CCDC93: variants seen among roughly 807,000 people sequenced by gnomAD.
CCDC93 encodes coiled-coil domain-containing protein 93.
In CCDC93, 61 loss-of-function variants were observed where a neutral mutation model predicts 108.2. That is an observed-to-expected ratio of 0.56 (90% confidence interval 0.46 to 0.70). The LOEUF is 0.70. Among genes scored for constraint, CCDC93 ranks in the 30% least tolerant of loss-of-function variants. The pLI is 0.00. For missense variants in CCDC93, 685 were observed against 764.2 expected (o/e 0.90, Z 1.22); for synonymous variants, 276 against 260.4 (o/e 1.06, Z -0.58).
Position 117,974,856 on chromosome 2 carries a change from A to T in CCDC93, c.795T>A (p.Asn265Lys). ...SLMTKMTAMA[N>K]EESRLTASSV... ...CTCCCCGACTCCCACTCACCTCCTC[A>T]TTTGCCATAGCGGTCATCTTGGTCA... The change falls in exon 10 of 24, where the codon AAT becomes AAA. Residue 265 changes from asparagine (N) to lysine (K), a missense_variant. Coordinates refer to ENST00000376300, the MANE Select transcript of CCDC93 (RefSeq NM_019044.5). The T allele has an allele frequency of 6.4e-7, 1 of 1,571,702 alleles. No individual in the cohort carries two copies. The highest frequency in any genetic ancestry group is 8.6e-7 in the Non-Finnish European group (1 of 1,157,676).
chr2:118,002,218 T>C, intron 3 of CCDC93, among the ~76,000 whole-genome samples: 1 of 152,164 alleles, frequency 6.6e-6, no homozygotes, highest in East Asian at 1.9e-4. Flanking sequence ...CTCCCAAAAG[T>C]GTTTCTTGTT....
At chr2:117,927,043 G>C (rs1379051074) in intron 23 of CCDC93, among the ~76,000 whole-genome samples, 2 of 152,128 alleles carry the variant, frequency 1.3e-5, no homozygotes, top group Admixed American at 1.3e-4. Flanking sequence ...AATAGATGCA[G>C]AAAAGGCCTT....
intron 12 of CCDC93, among the ~76,000 whole-genome samples, chr2:117,957,118 G>A (rs915274909): frequency 1.3e-5 from 2 of 152,118 alleles, no homozygotes; most frequent in South Asian, 4.1e-4. Flanking sequence ...TTGAACTCCC[G>A]ACCTCAAGTG....
At chr2:117,926,886 C>A (rs1198450520) in intron 23 of CCDC93, among the ~76,000 whole-genome samples, 3 of 152,154 alleles carry the variant, frequency 2.0e-5, no homozygotes, top group South Asian at 2.1e-4. Context: ...TACTGGCAAA[C>A]CGAATCCAGC....
rs1407297420 is a variant in CCDC93, at chr2:117,939,049, T to G, written c.1585A>C (p.Lys529Gln). ...FTLYNTLDDK[K>Q]VYLEKEISLL... The stretch of plus-strand genomic sequence containing the variant: ...CTTACCTCTTTTTCCAAATAAACCT[T>G]TTTATCATCCAGGGTATTATATAAA... Residue 529 changes from lysine to glutamine, a missense_variant, in exon 20 of 24, where the codon AAG becomes CAG. Physicochemically the swap from Lys to Gln is moderately conservative, Grantham distance 53. Coordinates refer to ENST00000376300, the MANE Select transcript of CCDC93 (RefSeq NM_019044.5). The G allele has an allele frequency of 8.1e-6, 13 of 1,597,954 alleles. No individual in the cohort carries two copies. The highest frequency in any genetic ancestry group is 1.1e-5 in the Non-Finnish European group (13 of 1,166,140).
intron 11 of CCDC93, among the ~76,000 whole-genome samples, chr2:117,968,515 A>C (rs1679660549): frequency 6.6e-6 from 1 of 152,170 alleles, no homozygotes; most frequent in Non-Finnish European, 1.5e-5. Flanking sequence ...TGTATCTGGA[A>C]GCTTCTTCAC....
chr2:117,958,590 C>T (rs1991102), intron 11 of CCDC93, 109 bp from the exon 12 acceptor site: 235,143 of 717,746 alleles, frequency 0.33, 41,493 homozygotes, highest in African/African-American at 0.49. Context: ...GCCAGTCACA[C>T]CAAGCCAGGG....
rs1476619078 is a variant in CCDC93 at position 117,915,646 on chromosome 2, A to G, written c.*4697T>C. The stretch of plus-strand genomic sequence containing the variant: ...AATTCAAAAGGTACAAAAGGTGTAC[A>G]TTGAAAAGTCATTCCCACCCCTCTT... On this transcript the variant is annotated 3_prime_UTR_variant, in exon 24 of 24. Transcript: ENST00000376300. 6.6e-6 allele frequency: 1 copy of G among 152,242 alleles called. No individual in the cohort carries two copies. The highest frequency in any genetic ancestry group is 1.5e-5 in the Non-Finnish European group (1 of 68,040). 9.4% of individuals were successfully genotyped at this position (152,242 alleles called of 1,614,324 possible).
At chr2:117,986,281 T>C (rs1400673638) in intron 6 of CCDC93, among the ~76,000 whole-genome samples, 1 of 148,472 alleles carries the variant, frequency 6.7e-6, no homozygotes, top group African/African-American at 2.5e-5. Flanking sequence ...TATTTTAAAA[T>C]TATACACTTG....
At chr2:117,922,735 G>A (rs971009516) in intron 23 of CCDC93, among the ~76,000 whole-genome samples, 4 of 152,220 alleles carry the variant, frequency 2.6e-5, no homozygotes, top group African/African-American at 9.6e-5. Context: ...CCAGTGAGGG[G>A]ATGGTGAGAA....
At chr2:117,949,759 T>C in intron 13 of CCDC93, 5 of 985,224 alleles carry the variant, frequency 5.1e-6, no homozygotes, top group Non-Finnish European at 6.0e-6. Flanking sequence ...AATAGTAGAC[T>C]AAGCACAACT....
intron 8 of CCDC93, 56 bp downstream of exon 8, chr2:117,977,938 A>G: frequency 6.7e-7 from 1 of 1,498,620 alleles, no homozygotes; most frequent in Non-Finnish European, 9.3e-7. Flanking sequence ...GTCAGAGGTG[A>G]AGGGAGTCAC....
chr2:117,976,855 AG>A, intron 8 of CCDC93, among the ~76,000 whole-genome samples: 1 of 150,980 alleles, frequency 6.6e-6, no homozygotes, highest in Non-Finnish European at 1.5e-5. Context: ...AGTGGGTGGC[AG>A]GGGAACAGCA....
intron 11 of CCDC93, among the ~76,000 whole-genome samples, chr2:117,970,127 A>G (rs1424201288): frequency 1.3e-5 from 2 of 152,226 alleles, no homozygotes; most frequent in Non-Finnish European, 2.9e-5. Context: ...GCAAATAACA[A>G]AAACACCATG....
chr2:117,988,834 T>C (rs1197353736), intron 6 of CCDC93, among the ~76,000 whole-genome samples: 1 of 152,206 alleles, frequency 6.6e-6, no homozygotes, highest in Non-Finnish European at 1.5e-5. Context: ...GTGACACCCC[T>C]CACCCCTGTT....
chr2:117,983,658 A>C (rs1384870328), intron 7 of CCDC93, among the ~76,000 whole-genome samples: 2 of 22,704 alleles, frequency 8.8e-5, no homozygotes, highest in African/African-American at 3.7e-4. Context: ...ATATATATAT[A>C]TATATATATA....
intron 1 of CCDC93, 58 bp downstream of exon 1, chr2:118,013,896 C>G: frequency 6.9e-7 from 1 of 1,451,432 alleles, no homozygotes; most frequent in Non-Finnish European, 9.3e-7. Flanking sequence ...CGCCGCCCCG[C>G]GGCTCGGCCC....
chr2:117,949,509 G>C (rs1678982499), intron 13 of CCDC93, 114 bp from the exon 14 acceptor site: 3 of 768,748 alleles, frequency 3.9e-6, no homozygotes, highest in Non-Finnish European at 4.2e-6. Context: ...ACTTAAACTT[G>C]GATTTTAATG....
intron 23 of CCDC93, among the ~76,000 whole-genome samples, chr2:117,926,983 A>G (rs945220611): frequency 3.3e-5 from 5 of 152,268 alleles, no homozygotes; most frequent in African/African-American, 1.2e-4. Context: ...ATCAATAAAC[A>G]TAATCCAGCA....
Sources: gnomAD v4.1 joint callset for allele counts (sites outside exome capture counted in the v4.1 genomes callset) on GRCh38, gnomAD v4.1.1 for gene constraint, MANE v1.5 for transcripts, NCBI Gene and HGNC (gene_info 2026-07-23, HGNC 2026-07-21) for gene names.